ATOX1: variants seen among roughly 807,000 people sequenced by gnomAD.
ATOX1 encodes the protein copper transport protein ATOX1.
In ATOX1, 4 loss-of-function variants were observed where a neutral mutation model predicts 7.3. The ratio of observed to expected loss-of-function variants is 0.55; its 90% confidence interval spans 0.27 to 1.25. The LOEUF is 1.25. Among genes scored for constraint, ATOX1 ranks in the 50% most tolerant of loss-of-function variants. ATOX1 has a pLI of 0.12. For synonymous variants in ATOX1, 25 were observed against 28.7 expected, an observed-to-expected ratio of 0.87 and a Z score of 0.41; for missense variants, 68 against 81.6, an observed-to-expected ratio of 0.83 and a Z score of 0.64.
intron 2 of ATOX1, among the ~76,000 whole-genome samples, chr5:151,749,054 C>T (rs542960353): frequency 1.1e-4 from 16 of 150,140 alleles, no homozygotes; most frequent in Non-Finnish European, 2.1e-4. Flanking sequence ...GCCAAGACCG[C>T]GCCACTGCAC....
chr5:151,751,772 T>A lies in ATOX1; in HGVS notation c.14A>T (p.Glu5Val). The change falls in exon 2 of 4, where the codon GAG becomes GTG. Residue 5 changes from glutamate to valine, a missense_variant. Physicochemically the swap from Glu to Val is moderately radical, Grantham distance 121 (BLOSUM62 -2). Coordinates refer to ENST00000313115, the MANE Select transcript of ATOX1 (RefSeq NM_004045.4). ...TCCACAGGTCATGTCCACAGAGAAC[T>A]CGTGCTTCTGAAACAAACACAGGGG... MPKH[E>V]FSVDMTCGGC... 1 of 1,607,096 alleles carries A rather than the reference T, an allele frequency of 6.2e-7. No individual in the cohort carries two copies. Among genetic ancestry groups the A allele is most frequent in the South Asian group, 1.1e-5 (1 of 89,260 alleles).
intron 1 of ATOX1, among the ~76,000 whole-genome samples, chr5:151,757,407 T>G (rs926115672): frequency 2.0e-5 from 3 of 152,194 alleles, no homozygotes; most frequent in African/African-American, 7.2e-5. Flanking sequence ...GTAGGGCTGA[T>G]TCTATCAGAT....
chr5:151,748,467 C>A (rs953975035), intron 2 of ATOX1, among the ~76,000 whole-genome samples: 1 of 152,114 alleles, frequency 6.6e-6, no homozygotes, highest in Non-Finnish European at 1.5e-5. Context: ...AAAAAACCCT[C>A]CTGACCCTTC....
At chr5:151,746,752 G>A (rs1399044791) in intron 2 of ATOX1, among the ~76,000 whole-genome samples, 2 of 152,260 alleles carry the variant, frequency 1.3e-5, no homozygotes, top group South Asian at 4.1e-4. Context: ...AGGGCTTTCT[G>A]AGACAGAGAC....
intron 2 of ATOX1, 82 bp downstream of exon 2, chr5:151,751,622 G>T: frequency 1.4e-6 from 2 of 1,431,126 alleles, no homozygotes; most frequent in Non-Finnish European, 1.9e-6. Flanking sequence ...GTTATGATCA[G>T]CTTAACCCTA....
At position 151,752,387 on chromosome 5, in the gene ATOX1, G is replaced by T. The variant is rs1761964330; in HGVS notation, c.7-608C>A. 3.4e-5 allele frequency: 24 copies of T among 697,804 alleles called. No individual in the cohort carries two copies. The South Asian group carries it at 3.6e-4, about 10-fold the overall frequency. 43.2% of individuals were successfully genotyped at this position (697,804 alleles called of 1,614,324 possible). On this transcript the variant is annotated intron_variant, in intron 1 of 3. Coordinates refer to ENST00000313115, the MANE Select transcript of ATOX1 (RefSeq NM_004045.4). The stretch of plus-strand genomic sequence containing the variant: ...AAGGATTGCCTGGGTTCCCCAGTGG[G>T]TTGGAGGCCAGGCAGGAAGGGATCC...
At position 151,750,640 on chromosome 5, in the gene ATOX1, CTTTCT is replaced by C. The variant is rs1474676268; in HGVS notation, c.82+1059_82+1063del. Among the ~76,000 whole-genome samples the C allele has an allele frequency of 9.7e-5, 10 of 103,042 alleles. No individual in the cohort carries two copies. The East Asian group carries it at 3.6e-3, about 38-fold the overall frequency. 67.6% of individuals were successfully genotyped at this position (103,042 alleles called of 152,430 possible). A position where few individuals can be genotyped will look rare whatever the true frequency, so the allele number is the denominator to read the frequency against. ...CTTTTTTTAAATCTTTCCTTTTTTT[CTTTCT>C]TTTTTTTTTTTTTTTTTTGGAGACA... On this transcript the variant is annotated intron_variant, in intron 2 of 3. Transcript: ENST00000313115.
chr5:151,746,295 A>G lies in ATOX1; in HGVS notation c.*30T>C. 6.2e-7 allele frequency: 1 copy of G among 1,611,360 alleles called. No homozygotes were observed. Among genetic ancestry groups the G allele is most frequent in the Non-Finnish European group, 8.5e-7 (1 of 1,178,952 alleles). ...CTTACCCACCTGCCCCCTTTGGTCC[A>G]TCCTGTGGGCTGTGGGGACCAGGCC... is the stretch of plus-strand genomic sequence containing the variant. On this transcript the variant is annotated 3_prime_UTR_variant, in exon 3 of 4. Coordinates refer to ENST00000313115, the MANE Select transcript of ATOX1 (RefSeq NM_004045.4).
At chr5:151,754,632 C>G (rs565913078) in intron 1 of ATOX1, among the ~76,000 whole-genome samples, 1 of 152,020 alleles carries the variant, frequency 6.6e-6, no homozygotes, top group African/African-American at 2.4e-5. Flanking sequence ...TGATGATGCT[C>G]TGGAACATGG....
At chr5:151,752,603 T>A (rs997666371) in intron 1 of ATOX1, among the ~76,000 whole-genome samples, 1 of 150,228 alleles carries the variant, frequency 6.7e-6, no homozygotes, top group Admixed American at 6.6e-5. Context: ...ATAATTGACA[T>A]GGCTGGTTTG....
chr5:151,744,584 T>A (rs976207383), intron 3 of ATOX1: 2 of 152,246 alleles, frequency 1.3e-5, no homozygotes, highest in African/African-American at 4.8e-5. Flanking sequence ...TAATCCAAGA[T>A]GTGTGCATTA....
At chr5:151,755,503 C>T (rs1447320588) in intron 1 of ATOX1, among the ~76,000 whole-genome samples, 1 of 152,104 alleles carries the variant, frequency 6.6e-6, no homozygotes, top group Non-Finnish European at 1.5e-5. Flanking sequence ...CCCTCATAAC[C>T]CTGACTCTCA....
intron 2 of ATOX1, among the ~76,000 whole-genome samples, chr5:151,750,278 C>A (rs1262140983): frequency 6.6e-6 from 1 of 152,104 alleles, no homozygotes; most frequent in African/African-American, 2.4e-5. Context: ...CTGCATGTGG[C>A]CAGGTGCGGT....
At chr5:151,751,808 C>A in intron 1 of ATOX1, 29 bp from the exon 2 acceptor site, 2 of 1,583,088 alleles carry the variant, frequency 1.3e-6, no homozygotes, top group East Asian at 4.6e-5. Flanking sequence ...GACCATGACC[C>A]GAGCCCTGTA....
intron 1 of ATOX1, among the ~76,000 whole-genome samples, chr5:151,755,332 T>C (rs1762001503): frequency 6.6e-6 from 1 of 152,204 alleles, no homozygotes; most frequent in South Asian, 2.1e-4. Context: ...GAAAGAGAGC[T>C]ATTTATCTTA....
chr5:151,746,578 A>C, intron 2 of ATOX1, 129 bp from the exon 3 acceptor site: 6 of 1,263,248 alleles, frequency 4.7e-6, no homozygotes, highest in Non-Finnish European at 6.6e-6. Flanking sequence ...AGGGATCGGC[A>C]AACTTCTTCT....
intron 1 of ATOX1, chr5:151,752,076 C>T: frequency 1.7e-6 from 1 of 600,058 alleles, no homozygotes; most frequent in Non-Finnish European, 3.0e-6. Flanking sequence ...TTTTCCCAGT[C>T]CTACCTTCAA....
Position 151,757,534 on chromosome 5 carries a change from G to C in ATOX1, c.6+1012C>G, listed in dbSNP as rs550761568. Among the ~76,000 whole-genome samples the C allele has an allele frequency of 9.2e-5, 14 of 152,304 alleles. No homozygotes were observed. The East Asian group carries it at 2.7e-3, about 29-fold the overall frequency. On this transcript the variant is annotated intron_variant, in intron 1 of 3. Coordinates refer to ENST00000313115, the MANE Select transcript of ATOX1 (RefSeq NM_004045.4). Reference sequence around the variant, plus strand: ...CAGGAGGCCTCAGGCTCACCTGCCAGCTCCCTAAAGACAGGATGCAAAGAC... The same window carrying C: ...CAGGAGGCCTCAGGCTCACCTGCCACCTCCCTAAAGACAGGATGCAAAGAC...
chr5:151,758,450 G>A (rs1762042781), intron 1 of ATOX1, 96 bp downstream of exon 1: 1 of 1,391,684 alleles, frequency 7.2e-7, no homozygotes, highest in Non-Finnish European at 9.4e-7. Flanking sequence ...GCCGCCGCCT[G>A]AGCCCTTCAA....
Sources: gnomAD v4.1 joint callset for allele counts (sites outside exome capture counted in the v4.1 genomes callset) on GRCh38, gnomAD v4.1.1 for gene constraint, MANE v1.5 for transcripts, NCBI Gene and HGNC (gene_info 2026-07-23, HGNC 2026-07-21) for gene names.